ARHGEF3: variants seen among roughly 807,000 people sequenced by gnomAD.
ARHGEF3 encodes the protein Rho guanine nucleotide exchange factor 3.
Under a neutral mutation model 63.2 loss-of-function variants are expected in ARHGEF3, and 28 were observed. That is an observed-to-expected ratio of 0.44 (90% CI 0.33 to 0.61). The LOEUF is 0.61. ARHGEF3 is among the 20% of genes least tolerant of loss of function. The pLI is 0.03. For synonymous variants in ARHGEF3, 266 were observed against 254.2 expected, an observed-to-expected ratio of 1.05 and a Z score of -0.44; for missense variants, 533 against 659.3, an observed-to-expected ratio of 0.81 and a Z score of 2.10.
chr3:56,908,996 C>T (rs1386281889), intron 3 of ARHGEF3, among the ~76,000 whole-genome samples: 2 of 152,190 alleles, frequency 1.3e-5, no homozygotes, highest in Non-Finnish European at 2.9e-5. Flanking sequence ...TTTATTCTCT[C>T]ACTCAGTTAG....
upstream of ARHGEF3, among the ~76,000 whole-genome samples, chr3:56,804,399 C>G (rs765573701): frequency 1.3e-5 from 2 of 152,152 alleles, no homozygotes; most frequent in Non-Finnish European, 2.9e-5. Context: ...CCCAGCAGTT[C>G]CTACTTCTCA....
At chr3:56,802,121 CCTCT>C (rs933971474), upstream of ARHGEF3, among the ~76,000 whole-genome samples, 32 of 152,280 alleles carry the variant, frequency 2.1e-4, no homozygotes, top group African/African-American at 7.2e-4. Flanking sequence ...TGGAGAGGGA[CCTCT>C]CTCTCCCCGC....
intron 2 of ARHGEF3, among the ~76,000 whole-genome samples, chr3:57,004,241 G>A (rs1702379577): frequency 6.6e-6 from 1 of 152,190 alleles, no homozygotes; most frequent in African/African-American, 2.4e-5. Context: ...CAAAACCCAG[G>A]GAGATAATGA....
intron 3 of ARHGEF3, among the ~76,000 whole-genome samples, chr3:56,915,600 C>T (rs1578834526): frequency 1.3e-5 from 2 of 151,962 alleles, no homozygotes; most frequent in South Asian, 4.2e-4. Flanking sequence ...TTCTTCAACC[C>T]ATGGAAATAT....
chr3:56,738,434 A>T (rs2033791794), intron 7 of ARHGEF3, among the ~76,000 whole-genome samples: 1 of 152,110 alleles, frequency 6.6e-6, no homozygotes, highest in African/African-American at 2.4e-5. Context: ...TGCCTTCCAA[A>T]GTGCTGGGAT....
At chr3:57,040,508 A>G (rs1704142608) in intron 1 of ARHGEF3, among the ~76,000 whole-genome samples, 1 of 151,870 alleles carries the variant, frequency 6.6e-6, no homozygotes, top group Non-Finnish European at 1.5e-5. Context: ...AGAAAATACC[A>G]AAACAGGTAA....
intron 2 of ARHGEF3, among the ~76,000 whole-genome samples, chr3:56,962,014 C>T (rs570424977): frequency 6.6e-6 from 1 of 152,306 alleles, no homozygotes; most frequent in East Asian, 1.9e-4. Flanking sequence ...TACTGCCCCC[C>T]AGCCTGGGTG....
rs199522786 is a variant in ARHGEF3 at position 56,729,616 on chromosome 3, T to G, written c.1235A>C (p.Asn412Thr). The change falls in exon 10 of 10, where the codon AAC becomes ACC. Residue 412 changes from asparagine (N) to threonine (T), a missense_variant. By Grantham distance (65) the Asn-to-Thr change is moderately conservative. This residue lies in a region of ARHGEF3 where 151 missense variants were observed against 190.7 expected (regional missense o/e 0.79). Transcript: ENST00000296315. ...ATTTTTGAAACTGACTCTGAAGAAG[T>G]TTTTAACTAGAAAGGAAAAACACAT... ...GAFSNNERIK[N>T]FFRVSFKNGS... 3.1e-6 allele frequency: 5 copies of G among 1,596,216 alleles called. No homozygotes were observed. The Admixed American group carries it at 8.6e-5, about 27-fold the overall frequency.
intron 7 of ARHGEF3, among the ~76,000 whole-genome samples, chr3:56,740,364 A>T (rs989907761): frequency 1.3e-5 from 2 of 152,178 alleles, no homozygotes; most frequent in Non-Finnish European, 2.9e-5. Context: ...TTAAATGTAA[A>T]TCCTGTAAAA....
At chr3:56,916,832 C>T (rs994889569) in intron 3 of ARHGEF3, among the ~76,000 whole-genome samples, 4 of 152,178 alleles carry the variant, frequency 2.6e-5, no homozygotes, top group African/African-American at 7.2e-5. Context: ...TTGAACTTTA[C>T]CCAAGAATCA....
At position 56,913,108 on chromosome 3, in the gene ARHGEF3, G is replaced by A. The variant is rs761899721; in HGVS notation, c.130-30754C>T. Among the ~76,000 whole-genome samples, 5 of 151,792 alleles carry A rather than the reference G, an allele frequency of 3.3e-5. No individual in the cohort carries two copies. The South Asian group carries it at 6.2e-4, about 19-fold the overall frequency. Reference sequence around the variant, plus strand: ...GAGCTATGATTGTGCCACTGCACTCGAGCCTGGGCTCGAGCAAGGCAGAGC... The same window carrying A: ...GAGCTATGATTGTGCCACTGCACTCAAGCCTGGGCTCGAGCAAGGCAGAGC... On this transcript the variant is annotated intron_variant, in intron 3 of 12. Coordinates refer to the ARHGEF3 transcript ENST00000338458.
intron 2 of ARHGEF3, among the ~76,000 whole-genome samples, chr3:57,009,346 T>C (rs776371002): frequency 1.8e-4 from 28 of 152,190 alleles, no homozygotes; most frequent in Non-Finnish European, 3.5e-4. Context: ...ATTCTGACAC[T>C]GCTCATGCAA....
rs1390466396 is a variant in ARHGEF3 at position 57,042,671 on chromosome 3, TATATATATATATATATATATATATATA to T, written c.-27-7522_-27-7496del. ...ACATAAATATATATATATATATATA[TATATATATATATATATATATATATATA>T]TATTTTTTTTTTTTTTTAGACGGAG... On this transcript the variant is annotated intron_variant, in intron 1 of 12. Transcript: ENST00000338458. Among the ~76,000 whole-genome samples the T allele has an allele frequency of 1.5e-3, 33 of 22,632 alleles. 2 individuals are homozygous for T. The highest frequency in any genetic ancestry group is 4.4e-3 in the East Asian group (1 of 228). 14.8% of individuals were successfully genotyped at this position (22,632 alleles called of 152,430 possible).
chr3:56,978,841 C>G (rs571814075), intron 2 of ARHGEF3, among the ~76,000 whole-genome samples: 1 of 152,260 alleles, frequency 6.6e-6, no homozygotes, highest in East Asian at 1.9e-4. Context: ...ACACAGCCAA[C>G]AATAGGAACC....
intron 2 of ARHGEF3, among the ~76,000 whole-genome samples, chr3:56,991,392 T>A (rs1013377954): frequency 6.6e-6 from 1 of 152,178 alleles, no homozygotes; most frequent in Non-Finnish European, 1.5e-5. Context: ...AACTTGGAAA[T>A]AAAGTATAAC....
chr3:57,061,513 C>G (rs1363351435), intron 1 of ARHGEF3, among the ~76,000 whole-genome samples: 5 of 152,148 alleles, frequency 3.3e-5, no homozygotes, highest in African/African-American at 1.2e-4. Context: ...TATGTACATA[C>G]CACATTTTGT....
chr3:56,800,420 AC>A (rs1444538225), intron 1 of ARHGEF3, among the ~76,000 whole-genome samples: 1 of 151,950 alleles, frequency 6.6e-6, no homozygotes, highest in Non-Finnish European at 1.5e-5. Flanking sequence ...GGCAACAAAA[AC>A]TCTTTGTGAT....
At chr3:56,926,007 C>A (rs1363428265) in intron 3 of ARHGEF3, among the ~76,000 whole-genome samples, 1 of 152,216 alleles carries the variant, frequency 6.6e-6, no homozygotes, top group Non-Finnish European at 1.5e-5. Context: ...ATCAGGCATG[C>A]AAAAATACCT....
At chr3:56,928,782 C>T (rs906284458) in intron 3 of ARHGEF3, among the ~76,000 whole-genome samples, 1 of 152,098 alleles carries the variant, frequency 6.6e-6, no homozygotes, top group African/African-American at 2.4e-5. Context: ...GGATTTAAGC[C>T]CCAGAGAGGT....
Sources: gnomAD v4.1 joint callset for allele counts (sites outside exome capture counted in the v4.1 genomes callset) on GRCh38, gnomAD v4.1.1 for gene constraint, gnomAD v4.1.1 regional missense constraint, MANE v1.5 for transcripts, NCBI Gene and HGNC (gene_info 2026-07-23, HGNC 2026-07-21) for gene names.